Variants in PTGER3 observed in about 807,000 individuals in gnomAD.
The protein encoded by PTGER3 is prostaglandin E2 receptor EP3 subtype.
PTGER3 carries 22 observed loss-of-function variants against 34.7 expected under a neutral mutation model. The observed-to-expected ratio is 0.63, with a 90% CI of 0.45 to 0.91. The LOEUF (loss-of-function observed/expected upper bound fraction) is 0.91. PTGER3 is among the 40% of genes least tolerant of loss of function. The pLI is 0.00. For synonymous variants in PTGER3, 241 were observed against 230.1 expected (o/e 1.05, Z -0.43); for missense variants, 468 against 519.4 (o/e 0.90, Z 0.96).
chr1:70,934,894 G>A (rs1447868638), intron 4 of PTGER3, among the ~76,000 whole-genome samples: 2 of 152,090 alleles, frequency 1.3e-5, no homozygotes, highest in South Asian at 2.1e-4. Flanking sequence ...AATGTCAGCC[G>A]TCGAAATGAT....
rs114839192 is a variant in PTGER3 at position 70,882,544 on chromosome 1, A to G, written c.*24-29685T>C. On this transcript the variant is annotated intron_variant, in intron 4 of 4. Coordinates refer to the PTGER3 transcript ENST00000370931. ...CCCAGACACTGCAAATGTGGCCTCT[A>G]TTGGAGCTATGGTGACAGTGCTGGT... 4.6e-3 allele frequency among the ~76,000 whole-genome samples: 703 copies of G among 152,310 alleles called. 5 individuals carry two copies. Among genetic ancestry groups the G allele is most frequent in the African/African-American group, 0.016 (664 of 41,570 alleles).
At chr1:70,949,072 G>T (rs192824862), downstream of PTGER3, among the ~76,000 whole-genome samples, 1 of 152,110 alleles carries the variant, frequency 6.6e-6, no homozygotes, top group Non-Finnish European at 1.5e-5. Flanking sequence ...CTTCAGGCGT[G>T]GGGTAAAGGA....
chr1:70,853,631 C>T (rs1008762397), intron 4 of PTGER3, among the ~76,000 whole-genome samples: 6 of 152,036 alleles, frequency 3.9e-5, no homozygotes, highest in African/African-American at 1.4e-4. Flanking sequence ...TAGAGTTATA[C>T]TGAATTATGA....
rs189192221 is a variant in PTGER3 at position 71,000,101 on chromosome 1, C to G, written c.1077+12204G>C. Among the ~76,000 whole-genome samples the G allele has an allele frequency of 1.6e-3, 240 of 152,322 alleles. 2 individuals carry two copies. Among genetic ancestry groups the G allele is most frequent in the African/African-American group, 5.6e-3 (233 of 41,560 alleles). On this transcript the variant is annotated intron_variant, in intron 2 of 3. Coordinates refer to ENST00000306666, the MANE Select transcript of PTGER3 (RefSeq NM_198719.2). ...AATGTCCAGACATTGATAATAGAGT[C>G]AAAGCCTTTCTTCCATGGGGTTTTA...
At chr1:70,869,420 C>G (rs948486295) in intron 4 of PTGER3, 2 of 372,234 alleles carry the variant, frequency 5.4e-6, no homozygotes, top group African/African-American at 4.2e-5. Flanking sequence ...TCACATCCTT[C>G]TCATGCTGCG....
chr1:71,044,325 G>T (rs1660568979), intron 1 of PTGER3, among the ~76,000 whole-genome samples: 1 of 150,736 alleles, frequency 6.6e-6, no homozygotes, highest in African/African-American at 2.4e-5. Flanking sequence ...TAATCCTAGT[G>T]ACTCCAAAGG....
At chr1:70,979,978 C>T (rs1461934036) in intron 2 of PTGER3, among the ~76,000 whole-genome samples, 1 of 152,110 alleles carries the variant, frequency 6.6e-6, no homozygotes, top group Non-Finnish European at 1.5e-5. Context: ...ATACTGGTCT[C>T]TTCACAATAG....
chr1:70,856,866 T>C (rs1325002409), intron 4 of PTGER3, among the ~76,000 whole-genome samples: 2 of 152,216 alleles, frequency 1.3e-5, no homozygotes, highest in East Asian at 1.9e-4. Flanking sequence ...TTTTCATATG[T>C]ATGCATTCCT....
At chr1:71,022,144 C>G (rs1398159414) in intron 1 of PTGER3, among the ~76,000 whole-genome samples, 1 of 151,788 alleles carries the variant, frequency 6.6e-6, no homozygotes, top group East Asian at 1.9e-4. Context: ...ATTTTTTACA[C>G]TTTAAAAAGC....
rs1234980261 is a variant in PTGER3, at chr1:70,971,473, T to A, written c.*257A>T. 7 of 1,165,928 alleles carry A rather than the reference T, an allele frequency of 6.0e-6. No homozygotes were observed. In the East Asian group the frequency reaches 2.8e-4, roughly 47 times the overall value. The allele number at this position is 1,165,928 out of a possible 1,614,324, so 72.2% of individuals were successfully genotyped here. A position where few individuals can be genotyped will look rare whatever the true frequency, so the allele number is the denominator to read the frequency against. ...TTCATCACTTTTCCTCCAATCATCATCTGTGAAATTCTTCCCAACTTCTTA... is the reference window on the plus strand; with the variant it reads ...TTCATCACTTTTCCTCCAATCATCAACTGTGAAATTCTTCCCAACTTCTTA... On this transcript the variant is annotated 3_prime_UTR_variant, in exon 4 of 4. Coordinates refer to ENST00000306666, the MANE Select transcript of PTGER3 (RefSeq NM_198719.2).
chr1:70,949,225 T>C (rs1029273192), downstream of PTGER3, among the ~76,000 whole-genome samples: 1 of 152,192 alleles, frequency 6.6e-6, no homozygotes, highest in African/African-American at 2.4e-5. Flanking sequence ...TTAAGAAGTT[T>C]AGTATTTCAT....
chr1:70,979,713 G>A (rs936757521), intron 2 of PTGER3, among the ~76,000 whole-genome samples: 9 of 152,050 alleles, frequency 5.9e-5, no homozygotes, highest in Admixed American at 1.3e-4. Flanking sequence ...TCCATTGAGC[G>A]TTCTCACACC....
At chr1:70,874,809 T>A (rs1646240599) in intron 4 of PTGER3, among the ~76,000 whole-genome samples, 1 of 152,096 alleles carries the variant, frequency 6.6e-6, no homozygotes, top group Admixed American at 6.6e-5. Context: ...GTGTTCAGAA[T>A]AATTCATTTT....
downstream of PTGER3, among the ~76,000 whole-genome samples, chr1:70,967,208 C>CT (rs1652616077): frequency 6.6e-6 from 1 of 151,850 alleles, no homozygotes; most frequent in African/African-American, 2.4e-5. Context: ...AATCAACTGC[C>CT]AACTAAATGC....
At chr1:70,962,333 T>C (rs980078089) in intron 2 of PTGER3, among the ~76,000 whole-genome samples, 4 of 152,192 alleles carry the variant, frequency 2.6e-5, no homozygotes, top group Admixed American at 1.3e-4. Context: ...CAATCATCCT[T>C]AGTTTTGTTT....
At chr1:71,024,840 C>A (rs566110366) in intron 1 of PTGER3, among the ~76,000 whole-genome samples, 7 of 150,870 alleles carry the variant, frequency 4.6e-5, no homozygotes, top group Non-Finnish European at 8.9e-5. Flanking sequence ...CAGTCATGAG[C>A]CACCGTGCCC....
At chr1:70,890,040 G>T (rs1646582931) in intron 4 of PTGER3, among the ~76,000 whole-genome samples, 1 of 152,022 alleles carries the variant, frequency 6.6e-6, no homozygotes, top group South Asian at 2.1e-4. Context: ...ACTTCATTTG[G>T]CATTTCCATG....
chr1:70,852,897 A>G (rs1200326708), intron 4 of PTGER3: 2 of 1,598,734 alleles, frequency 1.3e-6, no homozygotes, highest in East Asian at 2.2e-5. Context: ...AGCCAATAAT[A>G]AATGCACTGT....
intron 4 of PTGER3, among the ~76,000 whole-genome samples, chr1:70,898,997 C>G (rs1339263461): frequency 6.9e-6 from 1 of 145,596 alleles, no homozygotes; most frequent in Non-Finnish European, 1.5e-5. Flanking sequence ...TGTAATAATA[C>G]TCACCTACCT....
Sources: gnomAD v4.1 joint callset for allele counts (sites outside exome capture counted in the v4.1 genomes callset) on GRCh38, gnomAD v4.1.1 for gene constraint, MANE v1.5 for transcripts, NCBI Gene and HGNC (gene_info 2026-07-23, HGNC 2026-07-21) for gene names.